PABPC4L: variants seen among roughly 807,000 people sequenced by gnomAD.
PABPC4L encodes polyadenylate-binding protein 4-like.
For missense variants in PABPC4L, 452 were observed against 451.4 expected (o/e 1.00, Z -0.01); for synonymous variants, 169 against 164.1 (o/e 1.03, Z -0.23).
chr4:134,093,565 CTT>C, the PABPC4L span, among the ~76,000 whole-genome samples: 1 of 119,176 alleles, frequency 8.4e-6, no homozygotes, highest in Admixed American at 9.9e-5. Flanking sequence ...CTTTTCTTTT[CTT>C]TCTCTTTTTT....
the PABPC4L span, among the ~76,000 whole-genome samples, chr4:134,027,396 A>C: frequency 6.6e-6 from 1 of 152,150 alleles, no homozygotes; most frequent in Non-Finnish European, 1.5e-5. Flanking sequence ...TGTCAGACAT[A>C]TAAGTAAAGA....
At chr4:134,047,418 G>A in the PABPC4L span, among the ~76,000 whole-genome samples, 2 of 152,170 alleles carry the variant, frequency 1.3e-5, no homozygotes, top group South Asian at 4.2e-4. Context: ...AGAATACCAT[G>A]GGGTCCTGAT....
chr4:134,086,898 C>T, the PABPC4L span, among the ~76,000 whole-genome samples: 1 of 151,742 alleles, frequency 6.6e-6, no homozygotes, highest in Non-Finnish European at 1.5e-5. Context: ...GTGCGCTGCA[C>T]CCACTAACTC....
chr4:133,957,594 T>G, the PABPC4L span, among the ~76,000 whole-genome samples: 2 of 152,152 alleles, frequency 1.3e-5, no homozygotes, highest in Non-Finnish European at 2.9e-5. Context: ...CAGTAGAGAC[T>G]CTGTGTGGGG....
chr4:134,156,546 A>G, the PABPC4L span, among the ~76,000 whole-genome samples: 1 of 151,922 alleles, frequency 6.6e-6, no homozygotes, highest in Admixed American at 6.6e-5. Context: ...TAATATTTCA[A>G]TAGATTCTGG....
the PABPC4L span, among the ~76,000 whole-genome samples, chr4:134,154,254 G>A: frequency 6.6e-6 from 1 of 152,086 alleles, no homozygotes; most frequent in Non-Finnish European, 1.5e-5. Context: ...TCAGGAGTTT[G>A]AGATCAGCCT....
the PABPC4L span, among the ~76,000 whole-genome samples, chr4:134,126,092 C>T: frequency 6.6e-6 from 1 of 152,146 alleles, no homozygotes; most frequent in South Asian, 2.1e-4. Flanking sequence ...GATAACATTA[C>T]CATTTTATTT....
At chr4:134,014,239 C>A in the PABPC4L span, among the ~76,000 whole-genome samples, 1 of 152,168 alleles carries the variant, frequency 6.6e-6, no homozygotes, top group Non-Finnish European at 1.5e-5. Flanking sequence ...TCAAACCCCA[C>A]AACAGGACTT....
the PABPC4L span, among the ~76,000 whole-genome samples, chr4:134,188,587 G>C: frequency 1.1e-4 from 17 of 152,160 alleles, no homozygotes; most frequent in Non-Finnish European, 2.2e-4. Context: ...TTCTAGGATG[G>C]AGAAGTTGTT....
chr4:134,153,795 G>T, the PABPC4L span, among the ~76,000 whole-genome samples: 2 of 142,872 alleles, frequency 1.4e-5, no homozygotes, highest in African/African-American at 2.6e-5. Context: ...TACCGGGCAT[G>T]TGCCCCTATG....
chr4:134,192,494 A>T (rs1462989482), downstream of PABPC4L, among the ~76,000 whole-genome samples: 1 of 152,142 alleles, frequency 6.6e-6, no homozygotes, highest in East Asian at 1.9e-4. Context: ...ATTAAAAACC[A>T]GTAAATTTAT....
chr4:133,976,808 GT>G, the PABPC4L span, among the ~76,000 whole-genome samples: 1 of 152,174 alleles, frequency 6.6e-6, no homozygotes, highest in East Asian at 1.9e-4. Flanking sequence ...TAATGGGGTT[GT>G]TTGTTTATTC....
At chr4:134,132,762 A>G in the PABPC4L span, among the ~76,000 whole-genome samples, 1 of 151,338 alleles carries the variant, frequency 6.6e-6, no homozygotes, top group Non-Finnish European at 1.5e-5. Flanking sequence ...GTGCACACAC[A>G]TATTTATAGC....
At chr4:134,172,933 C>G in the PABPC4L span, among the ~76,000 whole-genome samples, 1 of 151,654 alleles carries the variant, frequency 6.6e-6, no homozygotes, top group Non-Finnish European at 1.5e-5. Context: ...AGAAGACAAA[C>G]AAATGACCAA....
chr4:134,188,193 C>A, the PABPC4L span, among the ~76,000 whole-genome samples: 1 of 151,798 alleles, frequency 6.6e-6, no homozygotes, highest in Non-Finnish European at 1.5e-5. Flanking sequence ...ATTAAAAAAA[C>A]AACAACAACA....
chr4:134,187,142 T>A, the PABPC4L span, among the ~76,000 whole-genome samples: 1 of 152,006 alleles, frequency 6.6e-6, no homozygotes, highest in African/African-American at 2.4e-5. Context: ...TGGCAATTCC[T>A]CAAGGATCTA....
the PABPC4L span, among the ~76,000 whole-genome samples, chr4:134,006,184 T>C: frequency 6.6e-6 from 1 of 151,952 alleles, no homozygotes; most frequent in Admixed American, 6.6e-5. Flanking sequence ...TTTTCCATGC[T>C]GCTCATGGAT....
chr4:134,171,482 A>G, the PABPC4L span, among the ~76,000 whole-genome samples: 1 of 152,080 alleles, frequency 6.6e-6, no homozygotes, highest in Non-Finnish European at 1.5e-5. Flanking sequence ...GTTTTTTGCT[A>G]GATACTGTGT....
At chr4:134,119,487 A>C in the PABPC4L span, among the ~76,000 whole-genome samples, 24 of 151,876 alleles carry the variant, frequency 1.6e-4, no homozygotes, top group African/African-American at 5.5e-4. Flanking sequence ...AAGACAGAAT[A>C]ATGTTTTATT....
Sources: gnomAD v4.1 joint callset for allele counts (sites outside exome capture counted in the v4.1 genomes callset) on GRCh38, gnomAD v4.1.1 for gene constraint, MANE v1.5 for transcripts, NCBI Gene and HGNC (gene_info 2026-07-23, HGNC 2026-07-21) for gene names.